The following SHROOM3 variants were observed in gnomAD, a reference collection of about 807,000 sequenced individuals.
The protein encoded by SHROOM3 is shroom family member 3, also known as protein Shroom3.
A neutral mutation model predicts 138.6 loss-of-function variants in SHROOM3; 47 were observed. That is an observed-to-expected ratio of 0.34 (90% confidence interval 0.27 to 0.43). The LOEUF is 0.43. SHROOM3 is among the 20% of genes least tolerant of loss of function. The probability of loss-of-function intolerance (pLI) is 1.00; values close to 1 mark genes in which losing one functional copy is unlikely to be tolerated. For synonymous variants in SHROOM3, 1,062 were observed against 1,063.3 expected (o/e 1.00, Z 0.02); for missense variants, 2,491 against 2,596.5 (o/e 0.96, Z 0.88).
intron 2 of SHROOM3, among the ~76,000 whole-genome samples, chr4:76,620,237 G>C (rs1473856487): frequency 6.6e-6 from 1 of 152,082 alleles, no homozygotes; most frequent in East Asian, 1.9e-4. Flanking sequence ...GTTTGTTCTG[G>C]GAAAAGGTGA....
intron 1 of SHROOM3, among the ~76,000 whole-genome samples, chr4:76,541,480 A>C (rs1039904048): frequency 2.6e-5 from 4 of 152,176 alleles, no homozygotes; most frequent in Non-Finnish European, 5.9e-5. Flanking sequence ...TTGCTCTCTG[A>C]ATGGCCCTGG....
intron 1 of SHROOM3, among the ~76,000 whole-genome samples, chr4:76,528,014 A>G (rs1038269604): frequency 4.6e-5 from 7 of 152,206 alleles, no homozygotes; most frequent in African/African-American, 1.4e-4. Context: ...ATCTTCTTAA[A>G]AAGTTATTCT....
intron 2 of SHROOM3, among the ~76,000 whole-genome samples, chr4:76,683,750 T>C (rs1442311682): frequency 6.6e-6 from 1 of 152,216 alleles, no homozygotes; most frequent in African/African-American, 2.4e-5. Flanking sequence ...GATTAACTTA[T>C]TTGATGGAAC....
chr4:76,738,335 C>T (rs1203325637), intron 4 of SHROOM3, among the ~76,000 whole-genome samples: 1 of 152,164 alleles, frequency 6.6e-6, no homozygotes, highest in African/African-American at 2.4e-5. Flanking sequence ...TTCACCCGTG[C>T]CTATTCTCTT....
At chr4:76,689,991 T>G (rs1364819487) in intron 2 of SHROOM3, among the ~76,000 whole-genome samples, 1 of 152,158 alleles carries the variant, frequency 6.6e-6, no homozygotes, top group African/African-American at 2.4e-5. Flanking sequence ...GAAGAAATGA[T>G]CTGTGAAATA....
chr4:76,728,109 G>A (rs927774392), intron 3 of SHROOM3, among the ~76,000 whole-genome samples: 4 of 152,178 alleles, frequency 2.6e-5, no homozygotes, highest in Non-Finnish European at 5.9e-5. Context: ...CTGGGAGGCA[G>A]AGGTTGCAGT....
rs534527618 is a variant in SHROOM3, at chr4:76,650,242, T to A, written c.324-59914T>A. Reference sequence around the variant, plus strand: ...AGCAACTCAAAACTACAATGAGATATCTCACCCAAGTTAAAATGGCTCATA... The same window carrying A: ...AGCAACTCAAAACTACAATGAGATAACTCACCCAAGTTAAAATGGCTCATA... On this transcript the variant is annotated intron_variant, in intron 2 of 10. Transcript: ENST00000296043. Among the ~76,000 whole-genome samples, 79 of 152,258 alleles carry A rather than the reference T, an allele frequency of 5.2e-4. No homozygotes were observed. In the South Asian group the frequency reaches 6.4e-3, roughly 12 times the overall value.
At chr4:76,546,862 A>G (rs1733231264) in intron 1 of SHROOM3, among the ~76,000 whole-genome samples, 1 of 152,238 alleles carries the variant, frequency 6.6e-6, no homozygotes, top group Non-Finnish European at 1.5e-5. Context: ...GAAAGTAGCC[A>G]GGAAAGGCAA....
intron 2 of SHROOM3, among the ~76,000 whole-genome samples, chr4:76,574,904 A>C (rs2110040207): frequency 6.6e-6 from 1 of 152,318 alleles, no homozygotes; most frequent in East Asian, 1.9e-4. Context: ...TTGGATCTAC[A>C]AAAATGGGAA....
Position 76,584,320 on chromosome 4 carries a change from GA to G in SHROOM3, c.323+28571del, listed in dbSNP as rs566058838. Among the ~76,000 whole-genome samples the G allele has an allele frequency of 4.8e-3, 565 of 117,118 alleles. 1 individual carries two copies. Among genetic ancestry groups the G allele is most frequent in the African/African-American group, 0.012 (375 of 31,956 alleles). 76.8% of individuals were successfully genotyped at this position (117,118 alleles called of 152,430 possible). ...CGACAGAGCAAGACTGCATCTCAAA[GA>G]AAAAAAAAAAAAAGAGTCACATAGA... On this transcript the variant is annotated intron_variant, in intron 2 of 10. Coordinates refer to ENST00000296043, the MANE Select transcript of SHROOM3 (RefSeq NM_020859.4).
At chr4:76,771,441 G>A (rs1722354530) in intron 10 of SHROOM3, among the ~76,000 whole-genome samples, 1 of 151,714 alleles carries the variant, frequency 6.6e-6, no homozygotes, top group Non-Finnish European at 1.5e-5. Context: ...AAGAACCACA[G>A]GCACCAGAGT....
At chr4:76,608,626 T>TATAGCATAGCATAGCATAGCATAGC (rs1303852174) in intron 2 of SHROOM3, among the ~76,000 whole-genome samples, 12 of 100,888 alleles carry the variant, frequency 1.2e-4, no homozygotes, top group African/African-American at 4.7e-4. Flanking sequence ...ACAGAGATGG[T>TATAGCATAGCATAGCATAGCATAGC]ATAGCATAGC....
chr4:76,689,447 G>A (rs1719442918), intron 2 of SHROOM3: 4 of 865,106 alleles, frequency 4.6e-6, no homozygotes, highest in South Asian at 5.3e-5. Flanking sequence ...AGAGGTGGGC[G>A]AGCGCCCCGC....
intron 8 of SHROOM3, 134 bp downstream of exon 8, chr4:76,757,071 A>C: frequency 2.7e-4 from 376 of 1,392,562 alleles, no homozygotes; most frequent in Non-Finnish European, 3.5e-4. Flanking sequence ...ATTTTATCTC[A>C]GTCTTGGAGG....
intron 2 of SHROOM3, among the ~76,000 whole-genome samples, chr4:76,703,394 C>CA (rs59162535): frequency 0.011 from 1,600 of 152,218 alleles, 28 homozygotes; most frequent in African/African-American, 0.037. Flanking sequence ...AGGTCAGTAA[C>CA]AGGAACAAGG....
intron 2 of SHROOM3, among the ~76,000 whole-genome samples, chr4:76,689,352 G>T (rs1719431638): frequency 1.3e-5 from 2 of 151,564 alleles, no homozygotes; most frequent in East Asian, 1.9e-4. Flanking sequence ...ACCTGGTGGC[G>T]AGCGAGCGCC....
chr4:76,684,699 A>G (rs1719289431), intron 2 of SHROOM3, among the ~76,000 whole-genome samples: 1 of 152,188 alleles, frequency 6.6e-6, no homozygotes, highest in Admixed American at 6.5e-5. Flanking sequence ...ACACAAAGAG[A>G]CCTTATCCAG....
At chr4:76,502,402 G>A (rs1363293195) in intron 1 of SHROOM3, among the ~76,000 whole-genome samples, 4 of 152,156 alleles carry the variant, frequency 2.6e-5, no homozygotes, top group Admixed American at 1.3e-4. Flanking sequence ...AGAAGCAGAG[G>A]CCACATTCTG....
At chr4:76,437,284 A>T (rs923019018) in intron 1 of SHROOM3, among the ~76,000 whole-genome samples, 5 of 151,592 alleles carry the variant, frequency 3.3e-5, no homozygotes, top group African/African-American at 4.9e-5. Context: ...TGTGTGTGTC[A>T]GTTAGGAAGG....
Sources: allele counts gnomAD v4.1 joint callset (sites outside exome capture counted in the v4.1 genomes callset), GRCh38; gene constraint gnomAD v4.1.1; transcripts MANE v1.5; gene names NCBI Gene and HGNC (gene_info 2026-07-23, HGNC 2026-07-21).